The following AGK variants were observed in gnomAD, a reference collection of about 807,000 sequenced individuals.
AGK encodes acylglycerol kinase, mitochondrial.
AGK carries 52 observed loss-of-function variants against 66.4 expected under a neutral mutation model. The observed-to-expected ratio is 0.78, with a 90% confidence interval of 0.63 to 0.99. The LOEUF is 0.99. Among genes scored for constraint, AGK ranks in the 50% least tolerant of loss-of-function variants. The pLI is 0.00. For missense variants in AGK, 451 were observed against 506.6 expected, an observed-to-expected ratio of 0.89 and a Z score of 1.05; for synonymous variants, 182 against 181.1, an observed-to-expected ratio of 1.00 and a Z score of -0.04.
intron 13 of AGK, 120 bp from the exon 14 acceptor site, chr7:141,649,143 C>T (rs868398096): frequency 3.3e-5 from 14 of 421,804 alleles, no homozygotes; most frequent in Middle Eastern, 3.6e-4. Flanking sequence ...TAAATCACTA[C>T]AAGTAGAGTC....
chr7:141,592,540 G>T (rs1336844891), intron 2 of AGK, among the ~76,000 whole-genome samples: 2 of 152,108 alleles, frequency 1.3e-5, no homozygotes, highest in East Asian at 3.9e-4. Context: ...CTCTTGCCAT[G>T]TAAAGTAACA....
At position 141,611,226 on chromosome 7, in the gene AGK, T is replaced by A; in HGVS notation, c.329T>A (p.Leu110Gln). The A allele has an allele frequency of 6.2e-7, 1 of 1,613,460 alleles. No homozygotes were observed. The highest frequency in any genetic ancestry group is 1.1e-5 in the South Asian group (1 of 91,012). The change falls in exon 6 of 16, where the codon CTG becomes CAG. Residue 110 changes from leucine to glutamine, a missense_variant. Physicochemically the swap from Leu to Gln is moderately radical, Grantham distance 113. Transcript: ENST00000649286. Reference protein sequence around the residue: ...TDYEGQAKKLLELMENTDVII... With the variant: ...TDYEGQAKKLQELMENTDVII... ...TATGAGGGACAAGCCAAGAAACTCC[T>A]GGAACTGATGGAAAACACGGATGTG...
chr7:141,556,502 C>T (rs1254079682), intron 2 of AGK, among the ~76,000 whole-genome samples: 1 of 149,486 alleles, frequency 6.7e-6, no homozygotes, highest in African/African-American at 2.5e-5. Flanking sequence ...GATCGGGCCA[C>T]TGCACTCTAG....
At chr7:141,651,792 T>C (rs766607354) in intron 15 of AGK, among the ~76,000 whole-genome samples, 183 bp downstream of exon 15, 9 of 152,252 alleles carry the variant, frequency 5.9e-5, no homozygotes, top group Non-Finnish European at 1.2e-4. Flanking sequence ...CAGAATCTCC[T>C]TGGGAGTCAT....
At chr7:141,560,397 CCTTT>C (rs1795313840) in intron 2 of AGK, among the ~76,000 whole-genome samples, 1 of 151,378 alleles carries the variant, frequency 6.6e-6, no homozygotes, top group African/African-American at 2.4e-5. Flanking sequence ...GCTGCCTTGT[CCTTT>C]CTTTCTTCTT....
chr7:141,611,963 C>T (rs1458462161), intron 6 of AGK, among the ~76,000 whole-genome samples: 3 of 152,196 alleles, frequency 2.0e-5, no homozygotes, highest in Non-Finnish European at 4.4e-5. Flanking sequence ...TGTTAACATA[C>T]AATCCAGCAA....
chr7:141,567,934 T>C (rs996116381), intron 2 of AGK, among the ~76,000 whole-genome samples: 2 of 152,168 alleles, frequency 1.3e-5, no homozygotes, highest in Non-Finnish European at 2.9e-5. Flanking sequence ...GGGATAATAA[T>C]AATATCTCAA....
chr7:141,649,472 A>G, intron 14 of AGK, 139 bp downstream of exon 14: 1 of 661,540 alleles, frequency 1.5e-6, no homozygotes, highest in South Asian at 1.9e-5. Flanking sequence ...TTTCTTTCCT[A>G]TGGGCTGACA....
At chr7:141,648,660 T>C (rs1797474188) in intron 13 of AGK, among the ~76,000 whole-genome samples, 2 of 152,228 alleles carry the variant, frequency 1.3e-5, no homozygotes, top group African/African-American at 2.4e-5. Context: ...TGGGAACTGG[T>C]CCAAGAACCA....
At chr7:141,609,566 G>C (rs1286408358) in intron 5 of AGK, among the ~76,000 whole-genome samples, 1 of 152,216 alleles carries the variant, frequency 6.6e-6, no homozygotes, top group African/African-American at 2.4e-5. Context: ...CAACACTTCA[G>C]TGTTGAGGTA....
chr7:141,647,918 G>A (rs892397784), intron 13 of AGK, among the ~76,000 whole-genome samples: 8 of 152,150 alleles, frequency 5.3e-5, no homozygotes, highest in Non-Finnish European at 1.0e-4. Context: ...TGATCCGCCC[G>A]CCTCGGCCTC....
At chr7:141,553,684 G>A (rs1475220796) in intron 1 of AGK, among the ~76,000 whole-genome samples, 1 of 152,182 alleles carries the variant, frequency 6.6e-6, no homozygotes, top group Non-Finnish European at 1.5e-5. Context: ...AGATGGAGAG[G>A]AGTTCAAGAA....
rs12669650 is a variant in AGK at position 141,555,184 on chromosome 7, A to G, written c.-14-269A>G. On this transcript the variant is annotated intron_variant, in intron 1 of 15. Coordinates refer to ENST00000649286, the MANE Select transcript of AGK (RefSeq NM_018238.4). This position sits in a 1 kb window ranked among gnomAD's most constrained non-coding sequence, Gnocchi z 4.2. ...CTATTGCAATGAAGAAATAGTGATC[A>G]GAGAGGGAAGAAGTATAGGTTAGGT... Among the ~76,000 whole-genome samples the G allele has an allele frequency of 0.035, 5,381 of 152,246 alleles. 145 individuals are homozygous for G. The highest frequency in any genetic ancestry group is 0.15 in the South Asian group (714 of 4,818).
chr7:141,623,052 A>C (rs2116977941), intron 9 of AGK, among the ~76,000 whole-genome samples: 1 of 152,292 alleles, frequency 6.6e-6, no homozygotes. Context: ...TCTTGAAGGA[A>C]CTTAAATGTG....
intron 9 of AGK, among the ~76,000 whole-genome samples, chr7:141,631,418 T>C (rs1043679216): frequency 6.6e-6 from 1 of 152,188 alleles, no homozygotes; most frequent in African/African-American, 2.4e-5. Flanking sequence ...AGATCTGTAG[T>C]GGTCAGCATG....
Position 141,575,654 on chromosome 7 carries a change from C to CTTTT in AGK, c.102-17466_102-17463dup, listed in dbSNP as rs58292692. Among the ~76,000 whole-genome samples the CTTTT allele has an allele frequency of 3.9e-3, 228 of 58,254 alleles. 19 individuals are homozygous for CTTTT. Among genetic ancestry groups the CTTTT allele is most frequent in the Non-Finnish European group, 4.8e-3 (146 of 30,232 alleles). 38.2% of individuals were successfully genotyped at this position (58,254 alleles called of 152,430 possible). A position where few individuals can be genotyped will look rare whatever the true frequency, so the allele number is the denominator to read the frequency against. ...GGGCTTAGATGCCTTTTACAAAGGC[C>CTTTT]TTTTTTTTTTTTTTTTTTTTTTTTT... On this transcript the variant is annotated intron_variant, in intron 2 of 15. Transcript: ENST00000649286.
intron 2 of AGK, among the ~76,000 whole-genome samples, chr7:141,574,405 G>A (rs1795686600): frequency 6.6e-6 from 1 of 152,152 alleles, no homozygotes; most frequent in Non-Finnish European, 1.5e-5. Flanking sequence ...TGACTAACGT[G>A]GGCTCCTGTG....
chr7:141,649,059 T>C, intron 13 of AGK: 1 of 395,466 alleles, frequency 2.5e-6, no homozygotes, highest in Non-Finnish European at 4.4e-6. Context: ...TGGAGATGAA[T>C]TTTCTATAAA....
chr7:141,633,358 C>G (rs1011797974), intron 9 of AGK, among the ~76,000 whole-genome samples: 2 of 152,150 alleles, frequency 1.3e-5, no homozygotes, highest in Non-Finnish European at 2.9e-5. Flanking sequence ...TAGAAACTCA[C>G]TGATTATAAT....
Sources: gnomAD v4.1 joint callset for allele counts (sites outside exome capture counted in the v4.1 genomes callset) on GRCh38, gnomAD v4.1.1 for gene constraint, Gnocchi (gnomAD v3.1) non-coding constraint, MANE v1.5 for transcripts, NCBI Gene and HGNC (gene_info 2026-07-23, HGNC 2026-07-21) for gene names.